The following STEAP2 variants were observed in gnomAD, a reference collection of about 807,000 sequenced individuals.
STEAP2 encodes the protein metalloreductase STEAP2.
In STEAP2, 30 loss-of-function variants were observed where a neutral mutation model predicts 46.4. That is an observed-to-expected ratio of 0.65 (90% CI 0.48 to 0.88). The LOEUF (loss-of-function observed/expected upper bound fraction) is 0.88. Ranked by LOEUF, STEAP2 falls within the 40% of genes least tolerant of loss-of-function variation. The probability of loss-of-function intolerance (pLI) is 0.00; values close to 1 mark genes in which losing one functional copy is unlikely to be tolerated. For synonymous variants in STEAP2, 180 were observed against 200.5 expected (o/e 0.90, Z 0.86); for missense variants, 513 against 579.3 (o/e 0.89, Z 1.18).
At chr7:90,241,766 G>A (rs1796064193), downstream of STEAP2, among the ~76,000 whole-genome samples, 2 of 152,160 alleles carry the variant, frequency 1.3e-5, no homozygotes, top group South Asian at 2.1e-4. Flanking sequence ...GTAGGAAGGG[G>A]TCCAATTGCT....
intron 4 of STEAP2, among the ~76,000 whole-genome samples, chr7:90,228,595 T>C (rs1423011050): frequency 6.6e-6 from 1 of 152,140 alleles, no homozygotes; most frequent in Non-Finnish European, 1.5e-5. Context: ...CTACCTTTCT[T>C]TTTTTAATAA....
At position 90,233,680 on chromosome 7, in the gene STEAP2, G is replaced by A. The variant is rs1795846768; in HGVS notation, c.*1056G>A. On this transcript the variant is annotated 3_prime_UTR_variant, in exon 6 of 6. Transcript: ENST00000394621. ...AAGGATAGAAAAGTTATTTTTCAAA[G>A]GTCTTGCAGTTAATAAATGGCAGAG... The A allele has an allele frequency of 2.2e-6, 2 of 920,644 alleles. No homozygotes were observed. The highest frequency in any genetic ancestry group is 5.0e-5 in the South Asian group (1 of 19,890). 57.0% of individuals were successfully genotyped at this position (920,644 alleles called of 1,614,324 possible).
chr7:90,217,469 A>T (rs1173076199), intron 2 of STEAP2, among the ~76,000 whole-genome samples: 1 of 151,926 alleles, frequency 6.6e-6, no homozygotes, highest in Non-Finnish European at 1.5e-5. Flanking sequence ...CCTCCATGGG[A>T]TCCACTTTTT....
At chr7:90,220,453 A>T (rs978444939) in intron 2 of STEAP2, among the ~76,000 whole-genome samples, 29 of 151,932 alleles carry the variant, frequency 1.9e-4, no homozygotes, top group Non-Finnish European at 3.5e-4. Context: ...GATCTTATGT[A>T]TTTCTGTGGT....
chr7:90,237,951 G>A, downstream of STEAP2: 1 of 638,928 alleles, frequency 1.6e-6, no homozygotes, highest in Non-Finnish European at 2.9e-6. Flanking sequence ...CCAGTATCTA[G>A]TATAATGTGA....
chr7:90,242,068 A>G (rs1034674078), downstream of STEAP2, among the ~76,000 whole-genome samples: 1 of 150,276 alleles, frequency 6.7e-6, no homozygotes, highest in Non-Finnish European at 1.5e-5. Flanking sequence ...TGAGTAAAAC[A>G]AATACCGTTA....
At chr7:90,214,911 T>C (rs542435250) in intron 1 of STEAP2, among the ~76,000 whole-genome samples, 1 of 152,238 alleles carries the variant, frequency 6.6e-6, no homozygotes, top group South Asian at 2.1e-4. Context: ...TAAGAGCCCC[T>C]GAAGTTGAAT....
intron 4 of STEAP2, 132 bp downstream of exon 4, chr7:90,227,630 G>A (rs1443190905): frequency 3.4e-6 from 3 of 879,450 alleles, no homozygotes; most frequent in South Asian, 3.2e-5. Flanking sequence ...GGAAAGAATT[G>A]TTCTTTAAAC....
At chr7:90,216,357 G>A (rs1795014728) in intron 1 of STEAP2, 134 bp from the exon 2 acceptor site, 1 of 152,128 alleles carries the variant, frequency 6.6e-6, no homozygotes, top group Non-Finnish European at 1.5e-5. Flanking sequence ...ACTGGGGAGG[G>A]GATCCCCTTG....
chr7:90,240,172 CTAAGGTG>C (rs1269266943), downstream of STEAP2, among the ~76,000 whole-genome samples: 1 of 151,918 alleles, frequency 6.6e-6, no homozygotes, highest in Non-Finnish European at 1.5e-5. This position sits in a 1 kb window ranked among gnomAD's most constrained non-coding sequence, Gnocchi z 4.1. Context: ...GCTCGTGAGG[CTAAGGTG>C]GGAGGTGGGA....
intron 1 of STEAP2, among the ~76,000 whole-genome samples, chr7:90,214,828 G>C (rs1490295946): frequency 6.6e-6 from 1 of 152,184 alleles, no homozygotes; most frequent in Non-Finnish European, 1.5e-5. Context: ...AGTGCTTGGA[G>C]ATTTCAGGCA....
In STEAP2 at chr7:90,225,178, T is replaced by C. The variant is rs1405974800; in HGVS notation, c.96T>C (p.Thr32=). The change falls in exon 3 of 6, where the codon ACT becomes ACC. Residue 32 remains threonine (T), a synonymous_variant. Transcript: ENST00000394621. ...INGIKDARKV[T]VGVIGSGDFA... ...GTATCAAAGATGCAAGGAAGGTCAC[T>C]GTAGGTGTGATTGGAAGTGGAGATT... 1 of 1,614,020 alleles carries C rather than the reference T, an allele frequency of 6.2e-7. No individual in the cohort carries two copies.
Position 90,234,775 on chromosome 7 carries a change from G to A in STEAP2, c.*2151G>A, listed in dbSNP as rs563490948. ...TCACCGTGTTAGCCAGGATGGTCTC[G>A]ATCTCCTGACCTCGTGATCCGCCCG... On this transcript the variant is annotated 3_prime_UTR_variant, in exon 6 of 6. Transcript: ENST00000394621. The A allele has an allele frequency of 4.6e-5, 30 of 650,780 alleles. No homozygotes were observed. Among genetic ancestry groups the A allele is most frequent in the East Asian group, 2.7e-4 (2 of 7,326 alleles). 40.3% of individuals were successfully genotyped at this position (650,780 alleles called of 1,614,324 possible).
At position 90,232,472 on chromosome 7, in the gene STEAP2, A is replaced by G. The variant is rs749921424; in HGVS notation, c.1321A>G (p.Ile441Val). The G allele has an allele frequency of 1.2e-6, 2 of 1,613,642 alleles. No homozygotes were observed. The highest frequency in any genetic ancestry group is 1.7e-5 in the Admixed American group (1 of 59,978). Reference protein sequence around the residue: ...NFVLALVLPSIVILGKIILFL... With the variant: ...NFVLALVLPSVVILGKIILFL... Reference sequence around the variant, plus strand: ...TGTTCTTGCTCTTGTTTTGCCCTCAATTGTAATTCTGGGTAAGATTATTTT... The same window carrying G: ...TGTTCTTGCTCTTGTTTTGCCCTCAGTTGTAATTCTGGGTAAGATTATTTT... Residue 441 changes from isoleucine to valine, a missense_variant, in exon 6 of 6, where the codon ATT (isoleucine) becomes GTT (valine). Coordinates refer to ENST00000394621, the MANE Select transcript of STEAP2 (RefSeq NM_001244944.2).
chr7:90,220,869 ATT>A (rs1795229232), intron 2 of STEAP2, among the ~76,000 whole-genome samples: 1 of 145,352 alleles, frequency 6.9e-6, no homozygotes, highest in African/African-American at 2.5e-5. Context: ...TTCTTCCTTA[ATT>A]TATTCTTTGC....
chr7:90,236,093 T>G lies in STEAP2; in HGVS notation c.*3469T>G. ...AAGGGCTTCAAGAATATATCCAATT[T>G]TTAAATATTTTAATATATCTCCTAT... is the stretch of plus-strand genomic sequence containing the variant. On this transcript the variant is annotated 3_prime_UTR_variant, in exon 6 of 6. Transcript: ENST00000394621. The G allele has an allele frequency of 1.5e-6, 1 of 658,140 alleles. No homozygotes were observed. Among genetic ancestry groups the G allele is most frequent in the Non-Finnish European group, 1.9e-6 (1 of 532,086 alleles). 40.8% of individuals were successfully genotyped at this position (658,140 alleles called of 1,614,324 possible).
rs996173984 is a variant in STEAP2, at chr7:90,229,988, C to T, written c.1137C>T (p.Ile379=). 2.5e-6 allele frequency: 4 copies of T among 1,613,470 alleles called. No individual in the cohort carries two copies. In the Admixed American group the frequency reaches 6.7e-5, roughly 27 times the overall value. The stretch of plus-strand genomic sequence containing the variant: ...TTTCCCTCCTGGCAGTCACTTCTAT[C>T]CCTTCAGTGAGCAATGCTTTAAACT... ...GLLSLLAVTS[I]PSVSNALNWR... The change falls in exon 5 of 6, where the codon ATC becomes ATT. Residue 379 remains isoleucine (I), a synonymous_variant. Transcript: ENST00000394621.
Position 90,225,187 on chromosome 7 carries a change from G to C in STEAP2, c.105G>C (p.Val35=). The C allele has an allele frequency of 3.7e-6, 6 of 1,613,986 alleles. No individual in the cohort carries two copies. Among genetic ancestry groups the C allele is most frequent in the Non-Finnish European group, 5.1e-6 (6 of 1,179,928 alleles). Residue 35 remains valine (V), a synonymous_variant, in exon 3 of 6, where the codon GTG becomes GTC. Transcript: ENST00000394621. Reference sequence around the variant, plus strand: ...ATGCAAGGAAGGTCACTGTAGGTGTGATTGGAAGTGGAGATTTTGCCAAAT... The same window carrying C: ...ATGCAAGGAAGGTCACTGTAGGTGTCATTGGAAGTGGAGATTTTGCCAAAT... ...IKDARKVTVG[V]IGSGDFAKSL...
Position 90,232,413 on chromosome 7 carries a change from A to AATT in STEAP2, c.1263_1264insTTA (p.Glu421_Glu422insLeu), listed in dbSNP as rs1292135968. ...TATGGATGGAAACGAGCTTTTGAGG[A>AATT]AGAGTACTACAGATTTTATACACCA... On this transcript the variant is annotated inframe_insertion, in exon 6 of 6. Coordinates refer to ENST00000394621, the MANE Select transcript of STEAP2 (RefSeq NM_001244944.2). The AATT allele has an allele frequency of 6.2e-7, 1 of 1,613,540 alleles. No homozygotes were observed. Among genetic ancestry groups the AATT allele is most frequent in the South Asian group, 1.1e-5 (1 of 91,018 alleles).
Sources: gnomAD v4.1 joint callset for allele counts (sites outside exome capture counted in the v4.1 genomes callset) on GRCh38, gnomAD v4.1.1 for gene constraint, Gnocchi (gnomAD v3.1) non-coding constraint, MANE v1.5 for transcripts, NCBI Gene and HGNC (gene_info 2026-07-23, HGNC 2026-07-21) for gene names.